The following ZNF85 variants were observed in gnomAD, a reference collection of about 807,000 sequenced individuals.
The protein encoded by ZNF85 is zinc finger protein 85.
Under a neutral mutation model 53.9 loss-of-function variants are expected in ZNF85, and 50 were observed. The ratio of observed to expected loss-of-function variants is 0.93; its 90% confidence interval spans 0.74 to 1.17. The LOEUF is 1.17. ZNF85 is among the 50% of genes most tolerant of loss of function. The pLI is 0.00. For synonymous variants in ZNF85, 225 were observed against 226.1 expected (o/e 1.00, Z 0.04); for missense variants, 747 against 688.5 (o/e 1.08, Z -0.95).
At chr19:20,941,069 T>G (rs1175194777) in intron 3 of ZNF85, among the ~76,000 whole-genome samples, 4 of 152,164 alleles carry the variant, frequency 2.6e-5, no homozygotes, top group Non-Finnish European at 1.5e-5. Flanking sequence ...CTGAGGAACA[T>G]TTATAACATT....
At chr19:20,930,532 A>G (rs188329690) in intron 1 of ZNF85, among the ~76,000 whole-genome samples, 2 of 152,288 alleles carry the variant, frequency 1.3e-5, no homozygotes, top group Non-Finnish European at 2.9e-5. Context: ...CCTAAGAATT[A>G]TTAAACACTT....
rs367859040 is a variant in ZNF85, at chr19:20,946,592, A to ACACACACACACACACACACC, written c.230-2151_230-2150insACACACACACACACACACCC. ...CATGCACACACACACACACACACAC[A>ACACACACACACACACACACC]CCCCACAAATGTATATAGAAATTTT... On this transcript the variant is annotated intron_variant, in intron 3 of 3. Coordinates refer to ENST00000328178, the MANE Select transcript of ZNF85 (RefSeq NM_003429.5). 1.0e-3 allele frequency among the ~76,000 whole-genome samples: 159 copies of ACACACACACACACACACACC among 151,544 alleles called. 1 individual carries two copies. The highest frequency in any genetic ancestry group is 3.7e-3 in the African/African-American group (151 of 41,318).
chr19:20,948,483 C>CT (rs113433025), intron 3 of ZNF85, among the ~76,000 whole-genome samples: 155 of 146,900 alleles, frequency 1.1e-3, no homozygotes, highest in African/African-American at 3.8e-3. Context: ...ATGTAACAAA[C>CT]TTTTTTTTTC....
intron 1 of ZNF85, chr19:20,928,839 T>C (rs1272425866): frequency 6.6e-6 from 1 of 152,164 alleles, no homozygotes; most frequent in Non-Finnish European, 1.5e-5. Context: ...CTACAGTCCT[T>C]CCACCTACAT....
In ZNF85 at chr19:20,949,777, TGG is replaced by T; in HGVS notation, c.1264_1265del (p.Gly422ArgfsTer7). The T allele has an allele frequency of 6.2e-7, 1 of 1,611,832 alleles. No homozygotes were observed. The highest frequency in any genetic ancestry group is 8.5e-7 in the Non-Finnish European group (1 of 1,179,056). ...TLTKHKIIHT[G>X]EKPYKCKECE... is the part of the protein sequence containing the mutation. ...TTACTAAACATAAGATAATTCATACTGGAGAGAAGCCTTACAAATGTAAAGAA... is the reference window on the plus strand; with the variant it reads ...TTACTAAACATAAGATAATTCATACTAGAGAAGCCTTACAAATGTAAAGAA... On this transcript the variant is annotated frameshift_variant, in exon 4 of 4. Transcript: ENST00000328178. LOFTEE classifies it high-confidence loss of function.
intron 3 of ZNF85, among the ~76,000 whole-genome samples, chr19:20,940,456 G>A (rs1247910752): frequency 1.3e-5 from 2 of 152,104 alleles, no homozygotes; most frequent in South Asian, 4.1e-4. Context: ...AGGATTACTT[G>A]AGCCTGGGAA....
chr19:20,923,263 C>T lies in ZNF85; in HGVS notation c.-138C>T. On this transcript the variant is annotated 5_prime_UTR_variant, in exon 1 of 4. Transcript: ENST00000328178. ...GGGATGTGGCGGGGCCTTTGTCTCTCGCTGCAGCCTGAGCTCTAGGTCTTG... is the reference window on the plus strand; with the variant it reads ...GGGATGTGGCGGGGCCTTTGTCTCTTGCTGCAGCCTGAGCTCTAGGTCTTG... 1 of 1,388,368 alleles carries T rather than the reference C, an allele frequency of 7.2e-7. No homozygotes were observed. Among genetic ancestry groups the T allele is most frequent in the Non-Finnish European group, 1.0e-6 (1 of 1,001,608 alleles). The allele number at this position is 1,388,368 out of a possible 1,614,324, so 86.0% of individuals were successfully genotyped here. A position where few individuals can be genotyped will look rare whatever the true frequency, so the allele number is the denominator to read the frequency against.
chr19:20,933,467 T>A (rs1973076243), intron 1 of ZNF85, among the ~76,000 whole-genome samples: 1 of 152,050 alleles, frequency 6.6e-6, no homozygotes, highest in South Asian at 2.1e-4. Context: ...GTTCTTCCCC[T>A]TACTGGATGT....
chr19:20,944,956 G>A (rs56240903), intron 3 of ZNF85, among the ~76,000 whole-genome samples: 17,067 of 152,020 alleles, frequency 0.11, 985 homozygotes, highest in Non-Finnish European at 0.13. Context: ...TGTATTTATT[G>A]TGTAGTTTGG....
rs1973550768 is a variant in ZNF85, at chr19:20,950,264, CATAAG to C, written c.1755_1759del (p.Lys585AsnfsTer17). On this transcript the variant is annotated frameshift_variant, in exon 4 of 4. Transcript: ENST00000328178. LOFTEE classifies it high-confidence loss of function. ...TAAATGGTCCTCAGTCCTTACTAAA[CATAAG>C]ATAATTCATACCGGAGAAAAATTAC... is the stretch of plus-strand genomic sequence containing the variant. 21 of 1,561,080 alleles carry C rather than the reference CATAAG, an allele frequency of 1.3e-5. No individual in the cohort carries two copies. Among genetic ancestry groups the C allele is most frequent in the Non-Finnish European group, 1.7e-5 (20 of 1,159,542 alleles).
At chr19:20,930,134 A>AAAG (rs1972977943) in intron 1 of ZNF85, among the ~76,000 whole-genome samples, 1 of 150,896 alleles carries the variant, frequency 6.6e-6, no homozygotes, top group South Asian at 2.1e-4. Context: ...AAAAAAAAAA[A>AAAG]AAAAAAAAGA....
chr19:20,948,620 G>T, intron 3 of ZNF85, 124 bp from the exon 4 acceptor site: 1 of 671,952 alleles, frequency 1.5e-6, no homozygotes. Context: ...AGGATTTAGG[G>T]CCTATGGTAT....
At chr19:20,933,981 G>GTGTGTGTGTA (rs1253618351) in intron 1 of ZNF85, 43 bp from the exon 2 acceptor site, 1 of 1,330,666 alleles carries the variant, frequency 7.5e-7, no homozygotes, top group African/African-American at 1.5e-5. Flanking sequence ...GTGTGTGTGT[G>GTGTGTGTGTA]TGTGTGTGTG....
In ZNF85 at chr19:20,933,997, G is replaced by A. The variant is rs1186419201; in HGVS notation, c.4-27G>A. On this transcript the variant is annotated intron_variant, in intron 1 of 3. Transcript: ENST00000328178. ...TGTGTGTGTGTGTGTGTGTGTGTGTGTATGTGTATGTGTGTGTATCTTTCA... is the reference window on the plus strand; with the variant it reads ...TGTGTGTGTGTGTGTGTGTGTGTGTATATGTGTATGTGTGTGTATCTTTCA... 4.6e-5 allele frequency: 64 copies of A among 1,378,876 alleles called. No homozygotes were observed. In the East Asian group the frequency reaches 6.4e-4, roughly 14 times the overall value. The allele number at this position is 1,378,876 out of a possible 1,614,324, so 85.4% of individuals were successfully genotyped here. A position where few individuals can be genotyped will look rare whatever the true frequency, so the allele number is the denominator to read the frequency against.
intron 3 of ZNF85, chr19:20,944,156 T>A (rs1405527859): frequency 4.5e-5 from 7 of 154,542 alleles, no homozygotes; most frequent in Non-Finnish European, 8.3e-5. Flanking sequence ...ATTTAATAGT[T>A]TTTTATTTAT....
rs780165063 is a variant in ZNF85, at chr19:20,923,414, C to T, written c.3+11C>T. The T allele has an allele frequency of 1.5e-5, 24 of 1,613,992 alleles. No individual in the cohort carries two copies. Among genetic ancestry groups the T allele is most frequent in the Middle Eastern group, 1.6e-4 (1 of 6,084 alleles). On this transcript the variant is annotated intron_variant, in intron 1 of 3. Coordinates refer to ENST00000328178, the MANE Select transcript of ZNF85 (RefSeq NM_003429.5). ...GGAAGCCTAGAAATGGTGAGAGTGC[C>T]AGGTCCGCCATCCCGAGGGGGAAAG... is the stretch of plus-strand genomic sequence containing the variant.
intron 2 of ZNF85, among the ~76,000 whole-genome samples, chr19:20,934,524 C>T (rs1024344466): frequency 6.6e-6 from 1 of 152,120 alleles, no homozygotes. Flanking sequence ...AATCCCAGCA[C>T]TTCGGGAGGC....
chr19:20,936,037 A>G (rs892764609), intron 3 of ZNF85, among the ~76,000 whole-genome samples: 3 of 152,002 alleles, frequency 2.0e-5, no homozygotes, highest in Non-Finnish European at 4.4e-5. Context: ...CTTTTGTTAA[A>G]TTTGTTCTCA....
chr19:20,939,412 G>A (rs1052163881), intron 3 of ZNF85, among the ~76,000 whole-genome samples: 5 of 151,576 alleles, frequency 3.3e-5, no homozygotes, highest in African/African-American at 4.9e-5. Flanking sequence ...ACACCAGCAC[G>A]GCTGGCTAAT....
Sources: gnomAD v4.1 joint callset for allele counts (sites outside exome capture counted in the v4.1 genomes callset) on GRCh38, gnomAD v4.1.1 for gene constraint, MANE v1.5 for transcripts, NCBI Gene and HGNC (gene_info 2026-07-23, HGNC 2026-07-21) for gene names.